FAM120B: variants seen among roughly 807,000 people sequenced by gnomAD.
FAM120B encodes the protein family with sequence similarity 120 member B.
Under a neutral mutation model 96.3 loss-of-function variants are expected in FAM120B, and 83 were observed. The observed-to-expected ratio is 0.86, with a 90% CI of 0.72 to 1.03. The LOEUF is 1.03. FAM120B is among the 50% of genes least tolerant of loss of function. The pLI, the probability that FAM120B is intolerant of heterozygous loss-of-function variation, is 0.00. For synonymous variants in FAM120B, 407 were observed against 402.7 expected, an observed-to-expected ratio of 1.01 and a Z score of -0.13; for missense variants, 1,027 against 1,121.2, an observed-to-expected ratio of 0.92 and a Z score of 1.20.
rs534189062 is a variant in FAM120B, at chr6:170,341,551, ACTC to A, written c.2018-6597_2018-6595del. The stretch of plus-strand genomic sequence containing the variant: ...AGGCACTACTGGGGTACAAAAAAAA[ACTC>A]CTGCAGCTAGCTCGGTGTCTGCCCA... On this transcript the variant is annotated intron_variant, in intron 4 of 10. Transcript: ENST00000476287. Among the ~76,000 whole-genome samples the A allele has an allele frequency of 5.3e-5, 8 of 151,340 alleles. No homozygotes were observed. The South Asian group carries it at 1.7e-3, about 32-fold the overall frequency.
intron 6 of FAM120B, among the ~76,000 whole-genome samples, chr6:170,383,273 A>T (rs1394202898): frequency 6.6e-6 from 1 of 152,216 alleles, no homozygotes; most frequent in Non-Finnish European, 1.5e-5. Flanking sequence ...TACCAAAAGC[A>T]TAATCTATAA....
intron 1 of FAM120B, among the ~76,000 whole-genome samples, chr6:170,296,128 G>A (rs904480257): frequency 1.3e-5 from 2 of 152,114 alleles, no homozygotes; most frequent in African/African-American, 4.8e-5. Context: ...GATTACCGCA[G>A]CAGCTGCTGC....
chr6:170,336,708 T>G (rs997488019), intron 4 of FAM120B, among the ~76,000 whole-genome samples: 2 of 152,234 alleles, frequency 1.3e-5, no homozygotes, highest in Non-Finnish European at 2.9e-5. Context: ...CTTATTTCCT[T>G]GAGCAGTGGT....
intron 6 of FAM120B, among the ~76,000 whole-genome samples, chr6:170,365,007 GT>G (rs1788686794): frequency 6.6e-6 from 1 of 152,228 alleles, no homozygotes; most frequent in African/African-American, 2.4e-5. Context: ...GGGCTCTGGA[GT>G]TTACAACATC....
intron 6 of FAM120B, among the ~76,000 whole-genome samples, chr6:170,387,949 G>A (rs1326562857): frequency 1.3e-5 from 2 of 152,156 alleles, no homozygotes; most frequent in African/African-American, 2.4e-5. Context: ...TTCTGTTCTC[G>A]GCCTAGAGGT....
At chr6:170,292,655 C>A (rs1783911993), upstream of FAM120B, among the ~76,000 whole-genome samples, 2 of 152,228 alleles carry the variant, frequency 1.3e-5, no homozygotes, top group Non-Finnish European at 2.9e-5. The surrounding 1 kb of genome is among the most constrained non-coding windows in gnomAD (Gnocchi z 6.6). Context: ...CAAGGACAAC[C>A]ACTGCAGCCA....
chr6:170,337,311 C>T (rs1350163607), intron 4 of FAM120B, among the ~76,000 whole-genome samples: 1 of 152,118 alleles, frequency 6.6e-6, no homozygotes, highest in South Asian at 2.1e-4. Context: ...GTCATTGGTT[C>T]ATTTATGTGA....
At chr6:170,291,302 T>A (rs1247516305), upstream of FAM120B, among the ~76,000 whole-genome samples, 1 of 151,500 alleles carries the variant, frequency 6.6e-6, no homozygotes, top group Non-Finnish European at 1.5e-5. Context: ...CCAGAGACCC[T>A]CGGCCACACG....
At chr6:170,315,703 A>G (rs1784858735) in intron 1 of FAM120B, among the ~76,000 whole-genome samples, 1 of 152,164 alleles carries the variant, frequency 6.6e-6, no homozygotes, top group South Asian at 2.1e-4. Context: ...GCATATTTTC[A>G]TTATGCAATT....
intron 6 of FAM120B, among the ~76,000 whole-genome samples, chr6:170,369,441 A>C (rs1173861105): frequency 6.6e-6 from 1 of 152,230 alleles, no homozygotes; most frequent in African/African-American, 2.4e-5. Flanking sequence ...CCTGCTACAG[A>C]TCTTGATACG....
At chr6:170,396,710 A>G (rs1778185523) in intron 9 of FAM120B, among the ~76,000 whole-genome samples, 1 of 152,214 alleles carries the variant, frequency 6.6e-6, no homozygotes, top group Non-Finnish European at 1.5e-5. Flanking sequence ...GTCACTAACT[A>G]AATCATCCGA....
At chr6:170,341,300 G>A (rs1786810604) in intron 4 of FAM120B, among the ~76,000 whole-genome samples, 1 of 152,160 alleles carries the variant, frequency 6.6e-6, no homozygotes, top group Admixed American at 6.5e-5. Context: ...CAGCACTGTT[G>A]GGAAAACCGC....
intron 1 of FAM120B, chr6:170,298,518 C>CTTTTTTTTTT (rs796314508): frequency 1.4e-5 from 2 of 139,434 alleles, no homozygotes; most frequent in Non-Finnish European, 1.6e-5. Flanking sequence ...GCAATATTTT[C>CTTTTTTTTTT]TTTTTTTTTT....
At chr6:170,374,592 C>T (rs1202208639) in intron 6 of FAM120B, among the ~76,000 whole-genome samples, 3 of 152,238 alleles carry the variant, frequency 2.0e-5, no homozygotes, top group African/African-American at 7.2e-5. Flanking sequence ...GTTCAGAGCA[C>T]ACCCTGACTT....
chr6:170,291,226 C>T (rs530992141), upstream of FAM120B, among the ~76,000 whole-genome samples: 8 of 150,142 alleles, frequency 5.3e-5, no homozygotes, highest in South Asian at 1.1e-3. Flanking sequence ...CCGCAAGAAT[C>T]CCCCTGCTTC....
chr6:170,327,969 G>A (rs1394258420), intron 3 of FAM120B, among the ~76,000 whole-genome samples: 1 of 152,244 alleles, frequency 6.6e-6, no homozygotes, highest in African/African-American at 2.4e-5. Context: ...GGAAGGCCAG[G>A]ACATGACCAT....
intron 8 of FAM120B, among the ~76,000 whole-genome samples, chr6:170,391,492 G>A (rs992249154): frequency 6.6e-6 from 1 of 151,838 alleles, no homozygotes; most frequent in African/African-American, 2.4e-5. Flanking sequence ...CCAAGATCAC[G>A]TCACTGCACT....
chr6:170,299,604 T>C (rs1361806176), intron 1 of FAM120B, among the ~76,000 whole-genome samples: 2 of 152,254 alleles, frequency 1.3e-5, no homozygotes, highest in African/African-American at 4.8e-5. Context: ...CTGAAAATAG[T>C]AATTTTGTAT....
intron 6 of FAM120B, among the ~76,000 whole-genome samples, chr6:170,361,225 T>TAC (rs1256284068): frequency 8.1e-6 from 1 of 123,576 alleles, no homozygotes; most frequent in Admixed American, 8.7e-5. Context: ...TATATATATA[T>TAC]ATATATATAT....
Sources: gnomAD v4.1 joint callset for allele counts (sites outside exome capture counted in the v4.1 genomes callset) on GRCh38, gnomAD v4.1.1 for gene constraint, Gnocchi (gnomAD v3.1) non-coding constraint, MANE v1.5 for transcripts, NCBI Gene and HGNC (gene_info 2026-07-23, HGNC 2026-07-21) for gene names.